CELF4: variants seen among roughly 807,000 people sequenced by gnomAD.
The protein encoded by CELF4 is CUGBP Elav-like family member 4, also known as CUG-BP- and ETR-3-like factor 4.
In CELF4, 18 loss-of-function variants were observed where a neutral mutation model predicts 59.9. The ratio of observed to expected loss-of-function variants is 0.30; its 90% CI spans 0.21 to 0.45. CELF4 has a LOEUF of 0.45. CELF4 is among the 20% of genes least tolerant of loss of function. The pLI, the probability that CELF4 is intolerant of heterozygous loss-of-function variation, is 1.00. For missense variants in CELF4, 456 were observed against 689.0 expected (o/e 0.66, Z 3.79); for synonymous variants, 261 against 267.1 (o/e 0.98, Z 0.22).
At chr18:37,314,297 A>G (rs933610821) in intron 3 of CELF4, among the ~76,000 whole-genome samples, 4 of 152,130 alleles carry the variant, frequency 2.6e-5, no homozygotes, top group African/African-American at 9.7e-5. Flanking sequence ...AAATACACAC[A>G]CACAAAAATT....
chr18:37,376,341 G>A (rs2098968523), intron 2 of CELF4, among the ~76,000 whole-genome samples: 1 of 152,248 alleles, frequency 6.6e-6, no homozygotes, highest in African/African-American at 2.4e-5. Flanking sequence ...TGAGGCTTCT[G>A]TAATCCGCTC....
intron 2 of CELF4, among the ~76,000 whole-genome samples, chr18:37,365,118 G>A (rs1349758261): frequency 6.6e-6 from 1 of 152,144 alleles, no homozygotes; most frequent in Non-Finnish European, 1.5e-5. Flanking sequence ...AGTAAGGGGT[G>A]GATGCTGAGC....
chr18:37,260,654 A>G (rs904064283), intron 10 of CELF4, among the ~76,000 whole-genome samples: 1 of 152,198 alleles, frequency 6.6e-6, no homozygotes, highest in African/African-American at 2.4e-5. Context: ...TAAAGGTTCG[A>G]TTTAGAGACT....
rs182592087 is a variant in CELF4 at position 37,527,045 on chromosome 18, C to G, written c.286+38311G>C. 7.1e-4 allele frequency among the ~76,000 whole-genome samples: 108 copies of G among 152,120 alleles called. 1 individual carries two copies. The highest frequency in any genetic ancestry group is 2.5e-4 in the Non-Finnish European group (17 of 68,010). The stretch of plus-strand genomic sequence containing the variant: ...TAATGCCATTTATTTACGTAAGCCC[C>G]AAATAACATAACATCAATTTAGCAG... On this transcript the variant is annotated intron_variant, in intron 1 of 12. Coordinates refer to ENST00000420428, the MANE Select transcript of CELF4 (RefSeq NM_020180.4).
chr18:37,555,016 G>A (rs1038112799), intron 1 of CELF4, among the ~76,000 whole-genome samples: 1 of 152,174 alleles, frequency 6.6e-6, no homozygotes, highest in African/African-American at 2.4e-5. Flanking sequence ...CCCTGGCTCT[G>A]CTGATCCCAA....
chr18:37,296,992 G>A (rs747612919), intron 3 of CELF4, among the ~76,000 whole-genome samples: 5 of 152,272 alleles, frequency 3.3e-5, no homozygotes, highest in Middle Eastern at 3.4e-3. Context: ...GCCAGACTGG[G>A]CAAGCAGCTC....
chr18:37,273,629 G>T (rs558553019), intron 6 of CELF4: 10 of 989,158 alleles, frequency 1.0e-5, no homozygotes, highest in African/African-American at 1.7e-5. Flanking sequence ...CCCTAGTGTT[G>T]TCACAAAGGT....
intron 2 of CELF4, among the ~76,000 whole-genome samples, chr18:37,474,665 T>C (rs1242663122): frequency 1.3e-5 from 2 of 152,206 alleles, no homozygotes; most frequent in African/African-American, 4.8e-5. Context: ...AATGAGATAA[T>C]ATTTGTGAAG....
chr18:37,296,132 A>G (rs1276371775), intron 3 of CELF4, among the ~76,000 whole-genome samples: 1 of 152,160 alleles, frequency 6.6e-6, no homozygotes. Flanking sequence ...TGGCTTGGCC[A>G]TTCAACTATC....
chr18:37,368,236 G>C (rs2098813010), intron 2 of CELF4, among the ~76,000 whole-genome samples: 1 of 152,122 alleles, frequency 6.6e-6, no homozygotes, highest in Non-Finnish European at 1.5e-5. Flanking sequence ...TGAGGCTTTG[G>C]TTTCCTCTGA....
intron 1 of CELF4, among the ~76,000 whole-genome samples, chr18:37,563,206 A>G (rs977741390): frequency 2.0e-5 from 3 of 152,190 alleles, no homozygotes; most frequent in Non-Finnish European, 4.4e-5. Context: ...CATCAGCAAC[A>G]AAGTGATGAT....
chr18:37,522,429 AC>A (rs1313080066), intron 1 of CELF4, among the ~76,000 whole-genome samples: 1 of 151,982 alleles, frequency 6.6e-6, no homozygotes, highest in Admixed American at 6.6e-5. Context: ...TGAAATTAGG[AC>A]TAAGGAACTG....
rs112323911 is a variant in CELF4 at position 37,339,541 on chromosome 18, G to A, written c.370-17660C>T. On this transcript the variant is annotated intron_variant, in intron 2 of 12. Coordinates refer to ENST00000420428, the MANE Select transcript of CELF4 (RefSeq NM_020180.4). ...GGCTGAGGCAGGTGGATGATTTGTG[G>A]TCAGTAGTTTGAGACCAGCCTAGCC... 1.7e-3 allele frequency among the ~76,000 whole-genome samples: 257 copies of A among 152,252 alleles called. 1 individual carries two copies. Among genetic ancestry groups the A allele is most frequent in the African/African-American group, 5.9e-3 (247 of 41,550 alleles).
chr18:37,388,411 C>T (rs2099122194), intron 2 of CELF4, among the ~76,000 whole-genome samples: 1 of 151,812 alleles, frequency 6.6e-6, no homozygotes, highest in South Asian at 2.1e-4. Context: ...CCCTTCCCTC[C>T]TCCTTCTCCT....
At chr18:37,491,539 C>G (rs183928768) in intron 1 of CELF4, among the ~76,000 whole-genome samples, 406 of 152,118 alleles carry the variant, frequency 2.7e-3, no homozygotes, top group Non-Finnish European at 4.9e-3. Flanking sequence ...GCTCCTCATT[C>G]AGGGGTCTGC....
intron 2 of CELF4, among the ~76,000 whole-genome samples, chr18:37,336,760 C>T (rs1361787232): frequency 6.6e-6 from 1 of 152,204 alleles, no homozygotes; most frequent in African/African-American, 2.4e-5. Flanking sequence ...CGTGCGTGGC[C>T]GATGACGGTG....
intron 1 of CELF4, among the ~76,000 whole-genome samples, chr18:37,492,051 T>G (rs140104341): frequency 3.2e-4 from 49 of 152,316 alleles, no homozygotes; most frequent in Non-Finnish European, 6.3e-4. Flanking sequence ...CCACCCCAGC[T>G]GGGTCTTGCC....
intron 2 of CELF4, among the ~76,000 whole-genome samples, chr18:37,336,135 C>A (rs2097763432): frequency 6.6e-6 from 1 of 152,208 alleles, no homozygotes; most frequent in African/African-American, 2.4e-5. Context: ...TGGCCACATG[C>A]CCCACAGCCA....
intron 3 of CELF4, among the ~76,000 whole-genome samples, chr18:37,277,671 A>C (rs1218356337): frequency 6.6e-6 from 1 of 152,204 alleles, no homozygotes; most frequent in African/African-American, 2.4e-5. Flanking sequence ...TGGAAGCAGC[A>C]ACAGCAATTT....
Sources: allele counts gnomAD v4.1 joint callset (sites outside exome capture counted in the v4.1 genomes callset), GRCh38; gene constraint gnomAD v4.1.1; transcripts MANE v1.5; gene names NCBI Gene and HGNC (gene_info 2026-07-23, HGNC 2026-07-21).